PIEZO1: variants seen among roughly 807,000 people sequenced by gnomAD.
PIEZO1 encodes piezo-type mechanosensitive ion channel component 1.
Under a neutral mutation model 297.2 loss-of-function variants are expected in PIEZO1, and 296 were observed. That is an observed-to-expected ratio of 1.00 (90% CI 0.91 to 1.10). The LOEUF is 1.10. Ranked by LOEUF, PIEZO1 falls within the 50% of genes least tolerant of loss-of-function variation. PIEZO1 has a pLI of 0.00. For synonymous variants in PIEZO1, 2,427 were observed against 1,507.5 expected (o/e 1.61, Z -14.13); for missense variants, 5,018 against 3,455.5 (o/e 1.45, Z -11.34).
chr16:88,782,826 G>A (rs191071810), intron 1 of PIEZO1, among the ~76,000 whole-genome samples: 94 of 142,486 alleles, frequency 6.6e-4, no homozygotes, highest in Non-Finnish European at 4.3e-4. Context: ...CAGAGAGCCT[G>A]ACTCAGGAGT....
chr16:88,722,107 C>T (rs1352836000), intron 36 of PIEZO1, 41 bp from the exon 37 acceptor site: 4 of 1,531,556 alleles, frequency 2.6e-6, no homozygotes, highest in East Asian at 2.5e-5. Flanking sequence ...CTGGGACTGC[C>T]CGAAGGCATG....
In PIEZO1 at chr16:88,716,061, C is replaced by G. The variant is rs1348650673; in HGVS notation, c.7188G>C (p.Gly2396=). 1 of 1,550,066 alleles carries G rather than the reference C, an allele frequency of 6.5e-7. No homozygotes were observed. The highest frequency in any genetic ancestry group is 8.7e-7 in the Non-Finnish European group (1 of 1,146,882). The part of the protein sequence containing the change: ...RIQLRREQGA[G]ATGFLEWWVI... ...CCCACCATTCGAGGAAGCCGGTGGC[C>G]CCCGCACCCTGCTCCCTCCGCAGCT... Residue 2396 remains glycine, a synonymous_variant, in exon 50 of 51, where the codon GGG becomes GGC. Coordinates refer to ENST00000301015, the MANE Select transcript of PIEZO1 (RefSeq NM_001142864.4).
In PIEZO1 at chr16:88,715,942, G is replaced by T. The variant is rs752788253; in HGVS notation, c.7307C>A (p.Ala2436Asp). The T allele has an allele frequency of 6.5e-7, 1 of 1,549,324 alleles. No homozygotes were observed. Among genetic ancestry groups the T allele is most frequent in the African/African-American group, 1.4e-5 (1 of 73,048 alleles). ...CCAGCCACTCACTCACCCGTAGCCA[G>T]CCAGGAAGCCGAGGCTCGGTGGGCT... ...KVSPPSLGFL[A>D]GYGIMGLYVS... Residue 2436 changes from alanine (A) to aspartate (D), a missense_variant, in exon 50 of 51, where the codon GCT (alanine) becomes GAT (aspartate). Physicochemically the swap from Ala to Asp is moderately radical, Grantham distance 126. Coordinates refer to ENST00000301015, the MANE Select transcript of PIEZO1 (RefSeq NM_001142864.4).
intron 1 of PIEZO1, among the ~76,000 whole-genome samples, chr16:88,781,367 G>A (rs1004927118): frequency 1.6e-4 from 25 of 152,200 alleles, no homozygotes; most frequent in Non-Finnish European, 2.8e-4. Flanking sequence ...GACCCGCTGC[G>A]GGACGAGCAC....
intron 22 of PIEZO1, among the ~76,000 whole-genome samples, chr16:88,730,897 G>C (rs144916908): frequency 1.1e-4 from 17 of 152,242 alleles, no homozygotes; most frequent in African/African-American, 4.1e-4. Context: ...AGAGACAGCA[G>C]AGAGAAAGTC....
chr16:88,722,889 ATGGTGCCG>A lies in PIEZO1; in HGVS notation c.4608_4615del (p.Gly1537GlufsTer83), dbSNP rs1567662975. On this transcript the variant is annotated frameshift_variant, in exon 34 of 51. Transcript: ENST00000301015. LOFTEE classifies it high-confidence loss of function. Reference sequence around the variant, plus strand: ...GCGCTCTGCCCGCAGCACGTCGCTCATGGTGCCGTGGTGCCGGGTGAACTCCTGCAGCC... The same window carrying A: ...GCGCTCTGCCCGCAGCACGTCGCTCATGGTGCCGGGTGAACTCCTGCAGCC... 4.5e-6 allele frequency: 7 copies of A among 1,549,064 alleles called. No homozygotes were observed. Among genetic ancestry groups the A allele is most frequent in the Non-Finnish European group, 6.1e-6 (7 of 1,146,790 alleles).
intron 2 of PIEZO1, chr16:88,743,428 C>T (rs942053235): frequency 2.7e-5 from 12 of 437,438 alleles, no homozygotes; most frequent in African/African-American, 4.0e-5. Flanking sequence ...CAGCCACGCC[C>T]GGCCACGAGA....
chr16:88,751,107 G>A lies in PIEZO1; in HGVS notation c.65-1628C>T, dbSNP rs192551665. On this transcript the variant is annotated intron_variant, in intron 1 of 50. Transcript: ENST00000301015. ...AAGGAGCCCCGGGAAGTCTTCTGGA[G>A]GGAGGCCCAGCCCAGCCCAGCTCTC... Among the ~76,000 whole-genome samples the A allele has an allele frequency of 2.0e-3, 312 of 152,266 alleles. 2 individuals carry two copies. The highest frequency in any genetic ancestry group is 7.2e-3 in the African/African-American group (301 of 41,542).
Position 88,733,738 on chromosome 16 carries a change from G to T in PIEZO1, c.2337C>A (p.Ala779=), listed in dbSNP as rs953601737. The T allele has an allele frequency of 6.5e-7, 1 of 1,543,844 alleles. No homozygotes were observed. Among genetic ancestry groups the T allele is most frequent in the African/African-American group, 1.4e-5 (1 of 72,948 alleles). The change falls in exon 18 of 51, where the codon GCC becomes GCA. Residue 779 remains alanine (A), a synonymous_variant. Coordinates refer to ENST00000301015, the MANE Select transcript of PIEZO1 (RefSeq NM_001142864.4). Reference sequence around the variant, plus strand: ...GCCGCTCAGCCACCAGGCCCCACTTGGCTGCCCCTGTGATGGTGTGAGGGT... The same window carrying T: ...GCCGCTCAGCCACCAGGCCCCACTTTGCTGCCCCTGTGATGGTGTGAGGGT... ...HQATQVPEGA[A]KWGLVAERLL...
At position 88,726,394 on chromosome 16, in the gene PIEZO1, G is replaced by C; in HGVS notation, c.3858C>G (p.Ile1286Met). Reference protein sequence around the residue: ...CLLPVEEAGIIWDSVCFFFLL... With the variant: ...CLLPVEEAGIMWDSVCFFFLL... ...GGAAGAAGAAGCAGACGCTGTCCCA[G>C]ATGATGCCAGCCTCCTCCACAGGCA... The change falls in exon 27 of 51, where the codon ATC becomes ATG. Residue 1286 changes from isoleucine (I) to methionine (M), a missense_variant. Physicochemically the swap from Ile to Met is conservative, Grantham distance 10. Coordinates refer to ENST00000301015, the MANE Select transcript of PIEZO1 (RefSeq NM_001142864.4). 1.3e-6 allele frequency: 2 copies of C among 1,550,502 alleles called. No homozygotes were observed. The highest frequency in any genetic ancestry group is 1.7e-6 in the Non-Finnish European group (2 of 1,146,926).
intron 1 of PIEZO1, among the ~76,000 whole-genome samples, chr16:88,767,629 A>G (rs990667312): frequency 4.6e-5 from 7 of 152,168 alleles, no homozygotes; most frequent in Admixed American, 4.6e-4. Context: ...GGGGGAGCCC[A>G]TGTCATCCTC....
intron 1 of PIEZO1, among the ~76,000 whole-genome samples, chr16:88,780,214 G>A (rs1291715072): frequency 6.6e-6 from 1 of 152,200 alleles, no homozygotes; most frequent in Admixed American, 6.5e-5. Flanking sequence ...GAGAGGAGAA[G>A]CCTTCACCCC....
intron 1 of PIEZO1, among the ~76,000 whole-genome samples, chr16:88,769,760 T>C (rs891848143): frequency 2.6e-5 from 2 of 75,882 alleles, no homozygotes; most frequent in Non-Finnish European, 2.5e-5. Flanking sequence ...GTAGCTCTGG[T>C]GGGCGGAGCG....
chr16:88,716,273 T>C lies in PIEZO1; in HGVS notation c.7054A>G (p.Ile2352Val). 6.7e-7 allele frequency: 1 copy of C among 1,490,634 alleles called. No homozygotes were observed. The highest frequency in any genetic ancestry group is 9.0e-7 in the Non-Finnish European group (1 of 1,115,168). The allele number at this position is 1,490,634 out of a possible 1,614,324, so 92.3% of individuals were successfully genotyped here. The stretch of plus-strand genomic sequence containing the variant: ...ATGTACTTGGGGAAGAGATTAGGGA[T>C]GACCCTGCAGGGAGGTGCTGGCAGG... The part of the protein sequence containing the change: ...LEGTSDQSVV[I>V]PNLFPKYIRA... Residue 2352 changes from isoleucine to valine, a missense_variant, in exon 49 of 51, where the codon ATC becomes GTC. Transcript: ENST00000301015.
chr16:88,722,819 G>C lies in PIEZO1; in HGVS notation c.4668+18C>G, dbSNP rs1383101771. ...GTCAGGCAGAGCAGGGACGAGCGTG[G>C]TGCACGGGCAGGCTCACCTGCAGGA... is the stretch of plus-strand genomic sequence containing the variant. On this transcript the variant is annotated intron_variant, in intron 34 of 50. Transcript: ENST00000301015. 6.5e-7 allele frequency: 1 copy of C among 1,541,908 alleles called. No individual in the cohort carries two copies. Among genetic ancestry groups the C allele is most frequent in the Admixed American group, 2.0e-5 (1 of 50,972 alleles).
rs1905426692 is a variant in PIEZO1, at chr16:88,738,665, T to C, written c.537A>G (p.Thr179=). 1 of 1,535,562 alleles carries C rather than the reference T, an allele frequency of 6.5e-7. No individual in the cohort carries two copies. The highest frequency in any genetic ancestry group is 1.4e-5 in the African/African-American group (1 of 73,154). Residue 179 remains threonine, a synonymous_variant, in exon 6 of 51, where the codon ACA becomes ACG. Coordinates refer to ENST00000301015, the MANE Select transcript of PIEZO1 (RefSeq NM_001142864.4). ...GLQEAATLAP[T]RRSRLAARFR... ...AACGAGCGGCCAGCCGTGACCTCCG[T>C]GTAGGGGCCAGCGTTGCTGCTTCCT...
At chr16:88,766,068 C>T (rs1017302681) in intron 1 of PIEZO1, among the ~76,000 whole-genome samples, 3 of 152,166 alleles carry the variant, frequency 2.0e-5, no homozygotes, top group African/African-American at 4.8e-5. Context: ...CAGTCGGCAG[C>T]GTGGGTGCCG....
rs1178187606 is a variant in PIEZO1, at chr16:88,734,814, G to A, written c.1849-16C>T. 1 of 1,550,122 alleles carries A rather than the reference G, an allele frequency of 6.5e-7. No individual in the cohort carries two copies. Among genetic ancestry groups the A allele is most frequent in the Non-Finnish European group, 8.7e-7 (1 of 1,146,912 alleles). On this transcript the variant is annotated splice_polypyrimidine_tract_variant and intron_variant, in intron 14 of 50. Transcript: ENST00000301015. ...TGTAGTAGACCTGCCGGGTGAGGTG[G>A]GGGTGGTGAGGACCGCGGGGAGGGT...
At chr16:88,736,868 A>G in intron 10 of PIEZO1, 129 bp from the exon 11 acceptor site, 1 of 572,334 alleles carries the variant, frequency 1.7e-6, no homozygotes, top group Non-Finnish European at 3.0e-6. Context: ...GGCTATGGGC[A>G]GAACACGAGG....
Sources: gnomAD v4.1 joint callset for allele counts (sites outside exome capture counted in the v4.1 genomes callset) on GRCh38, gnomAD v4.1.1 for gene constraint, MANE v1.5 for transcripts, NCBI Gene and HGNC (gene_info 2026-07-23, HGNC 2026-07-21) for gene names.